Variants in SMIM21 observed in about 807,000 individuals in gnomAD.
The protein encoded by SMIM21 is chromosome 18 open reading frame 62.
A neutral mutation model predicts 8.6 loss-of-function variants in SMIM21; 8 were observed. That is an observed-to-expected ratio of 0.93 (90% CI 0.55 to 1.68). The LOEUF is 1.68. Among genes scored for constraint, SMIM21 ranks in the 40% most tolerant of loss-of-function variants. SMIM21 has a pLI of 0.00. For missense variants in SMIM21, 132 were observed against 123.0 expected (o/e 1.07, Z -0.35); for synonymous variants, 43 against 41.7 (o/e 1.03, Z -0.12).
At chr18:75,418,718 G>A in intron 2 of SMIM21, 68 bp downstream of exon 2, 2 of 1,441,652 alleles carry the variant, frequency 1.4e-6, no homozygotes, top group Non-Finnish European at 1.9e-6. Flanking sequence ...AACTGCTAAG[G>A]TTATCGTTTA....
rs1279932970 is a variant in SMIM21 at position 75,427,601 on chromosome 18, G to A, written c.-38C>T. The A allele has an allele frequency of 6.5e-7, 1 of 1,549,926 alleles. No homozygotes were observed. The highest frequency in any genetic ancestry group is 8.7e-7 in the Non-Finnish European group (1 of 1,146,794). On this transcript the variant is annotated 5_prime_UTR_variant, in exon 1 of 3. Transcript: ENST00000579022. ...GCGGTGACCAGTGAGAGGTCTCCTT[G>A]ATGACAGCGACTCTGAGGACACAGA...
intron 1 of SMIM21, among the ~76,000 whole-genome samples, chr18:75,426,952 G>A (rs2024771027): frequency 6.6e-6 from 1 of 152,178 alleles, no homozygotes; most frequent in East Asian, 1.9e-4. Context: ...TTGGCTACTG[G>A]TTCATGAATG....
At chr18:75,416,801 T>C (rs1261591294) in intron 2 of SMIM21, 3 of 136,084 alleles carry the variant, frequency 2.2e-5, no homozygotes, top group African/African-American at 5.9e-5. Flanking sequence ...TGGTGTCTGG[T>C]GTCTGTGCTG....
chr18:75,412,268 G>C (rs2024592800), intron 2 of SMIM21, among the ~76,000 whole-genome samples: 1 of 152,172 alleles, frequency 6.6e-6, no homozygotes, highest in Admixed American at 6.5e-5. Context: ...TTGAGTGTGG[G>C]CAACTTTGTT....
intron 1 of SMIM21, among the ~76,000 whole-genome samples, chr18:75,420,568 T>C (rs1363810156): frequency 1.3e-5 from 2 of 152,198 alleles, no homozygotes; most frequent in Non-Finnish European, 2.9e-5. Context: ...GATGTTTTAA[T>C]GTTGCAAAAG....
chr18:75,420,277 C>T (rs2024695160), intron 1 of SMIM21, among the ~76,000 whole-genome samples: 1 of 152,158 alleles, frequency 6.6e-6, no homozygotes, highest in East Asian at 1.9e-4. Flanking sequence ...TTGAAGAATT[C>T]AAGAAGGAAA....
intron 2 of SMIM21, among the ~76,000 whole-genome samples, chr18:75,412,080 C>A (rs895526219): frequency 1.3e-5 from 2 of 152,170 alleles, no homozygotes; most frequent in African/African-American, 2.4e-5. Flanking sequence ...AGAACATGGA[C>A]CCCAGAATAT....
chr18:75,410,619 G>T lies in SMIM21; in HGVS notation c.*245C>A. 1 of 1,010,398 alleles carries T rather than the reference G, an allele frequency of 9.9e-7. No homozygotes were observed. Among genetic ancestry groups the T allele is most frequent in the Non-Finnish European group, 1.3e-6 (1 of 753,498 alleles). The allele number at this position is 1,010,398 out of a possible 1,614,324, so 62.6% of individuals were successfully genotyped here. A position where few individuals can be genotyped will look rare whatever the true frequency, so the allele number is the denominator to read the frequency against. On this transcript the variant is annotated 3_prime_UTR_variant, in exon 3 of 3. Transcript: ENST00000579022. ...CACGCAGGGCAGATTTCGCAGGGTT[G>T]GGTGGCATCTGCAGCTCTCCTCCGG... is the stretch of plus-strand genomic sequence containing the variant.
intron 1 of SMIM21, 58 bp downstream of exon 1, chr18:75,427,376 CA>C (rs1214656180): frequency 5.1e-6 from 8 of 1,567,524 alleles, no homozygotes. Context: ...TTTGTAGGAC[CA>C]TACCTGTGCA....
intron 1 of SMIM21, among the ~76,000 whole-genome samples, chr18:75,424,262 C>T (rs8093397): frequency 4.6e-5 from 7 of 151,842 alleles, no homozygotes; most frequent in African/African-American, 9.7e-5. Flanking sequence ...CATTTTATTA[C>T]GGGTGTCCAC....
At chr18:75,418,307 A>G in intron 2 of SMIM21, 1 of 395,398 alleles carries the variant, frequency 2.5e-6, no homozygotes, top group Non-Finnish European at 4.5e-6. Context: ...AACTAAGCAC[A>G]ACTGGAATCA....
intron 1 of SMIM21, 125 bp downstream of exon 1, chr18:75,427,310 G>T (rs547723064): frequency 2.0e-5 from 23 of 1,165,526 alleles, no homozygotes; most frequent in Admixed American, 4.7e-5. Flanking sequence ...CTTAAACTTC[G>T]TAGAATCTGG....
intron 1 of SMIM21, among the ~76,000 whole-genome samples, chr18:75,424,925 A>T (rs1195233275): frequency 6.6e-6 from 1 of 152,190 alleles, no homozygotes; most frequent in African/African-American, 2.4e-5. Context: ...TTCTGCTCAG[A>T]TGTGCTGCAC....
intron 1 of SMIM21, among the ~76,000 whole-genome samples, chr18:75,423,730 A>G (rs2024732702): frequency 6.6e-6 from 1 of 152,264 alleles, no homozygotes; most frequent in South Asian, 2.1e-4. Flanking sequence ...ATTTCAGGAA[A>G]GAGCAGTGAA....
chr18:75,427,173 T>C (rs1470207385), intron 1 of SMIM21, among the ~76,000 whole-genome samples: 2 of 152,138 alleles, frequency 1.3e-5, no homozygotes, highest in African/African-American at 4.8e-5. Flanking sequence ...TGTATACTGA[T>C]GTAATGTCAA....
intron 1 of SMIM21, among the ~76,000 whole-genome samples, chr18:75,425,473 C>CAGT (rs1281265750): frequency 6.6e-6 from 1 of 152,162 alleles, no homozygotes; most frequent in Non-Finnish European, 1.5e-5. Context: ...CATTAATGAA[C>CAGT]AGTATCTATG....
intron 1 of SMIM21, among the ~76,000 whole-genome samples, chr18:75,423,419 G>C (rs1000644866): frequency 2.0e-5 from 3 of 152,224 alleles, no homozygotes; most frequent in Non-Finnish European, 4.4e-5. Context: ...TGTTTCTATA[G>C]AACAGAAACA....
intron 2 of SMIM21, chr18:75,416,856 C>T (rs1458324413): frequency 6.6e-6 from 1 of 152,082 alleles, no homozygotes; most frequent in African/African-American, 2.4e-5. Context: ...CGAACTCTTA[C>T]TTATATTTTC....
intron 1 of SMIM21, among the ~76,000 whole-genome samples, chr18:75,422,183 T>C (rs1017209259): frequency 6.6e-5 from 10 of 152,134 alleles, no homozygotes. Flanking sequence ...CACAGGATGC[T>C]GTGGGAGGCT....
Sources: allele counts gnomAD v4.1 joint callset (sites outside exome capture counted in the v4.1 genomes callset), GRCh38; gene constraint gnomAD v4.1.1; transcripts MANE v1.5; gene names NCBI Gene and HGNC (gene_info 2026-07-23, HGNC 2026-07-21).